UNKL: variants seen among roughly 807,000 people sequenced by gnomAD.
The protein encoded by UNKL is unk like zinc finger, also known as putative E3 ubiquitin-protein ligase UNKL.
UNKL carries 60 observed loss-of-function variants against 78.0 expected under a neutral mutation model. That is an observed-to-expected ratio of 0.77 (90% CI 0.63 to 0.95). The LOEUF (loss-of-function observed/expected upper bound fraction) is 0.95. Among genes scored for constraint, UNKL ranks in the 40% least tolerant of loss-of-function variants. The probability of loss-of-function intolerance (pLI) is 0.00; values close to 1 mark genes in which losing one functional copy is unlikely to be tolerated. For missense variants in UNKL, 1,159 were observed against 1,045.7 expected (o/e 1.11, Z -1.49); for synonymous variants, 608 against 474.8 (o/e 1.28, Z -3.65).
chr16:1,401,279 G>A lies in UNKL; in HGVS notation c.598+289C>T, dbSNP rs571264837. ...GGGACAGGACGCCTCACGAGTTCCG[G>A]TGGGAGTTGTGCTACCTCCTCGGCC... On this transcript the variant is annotated intron_variant, in intron 4 of 14. Coordinates refer to ENST00000389221, the MANE Select transcript of UNKL (RefSeq NM_001372107.1). 1.2e-5 allele frequency: 4 copies of A among 327,006 alleles called. No individual in the cohort carries two copies. The South Asian group carries it at 5.2e-4, about 42-fold the overall frequency. 20.3% of individuals were successfully genotyped at this position (327,006 alleles called of 1,614,324 possible).
chr16:1,372,294 A>T (rs1431906811), intron 10 of UNKL, among the ~76,000 whole-genome samples: 1 of 151,916 alleles, frequency 6.6e-6, no homozygotes, highest in Non-Finnish European at 1.5e-5. Flanking sequence ...CAAAAAAAAA[A>T]CTTTCTGTGA....
chr16:1,413,243 CAAAAAAAAAAAAAAAAAAAA>C (rs546295462), intron 2 of UNKL, among the ~76,000 whole-genome samples: 5 of 71,648 alleles, frequency 7.0e-5, no homozygotes, highest in Admixed American at 1.8e-4. Context: ...GACCCTGTCT[CAAAAAAAAAAAAAAAAAAAA>C]AAAAAAAAAA....
chr16:1,366,311 T>G lies in UNKL; in HGVS notation c.2131A>C (p.Ile711Leu), dbSNP rs767283389. ...GAVLRPCQHHILCEPCAATAP... is the reference protein window; with the variant it reads ...GAVLRPCQHHLLCEPCAATAP... ...GTGGCCGCACACGGCTCACAGAGGA[T>G]GTGGTGCTGACAGGGCCGCAGGACA... The change falls in exon 15 of 15, where the codon ATC (isoleucine) becomes CTC (leucine). Residue 711 changes from isoleucine to leucine, a missense_variant. By Grantham distance (5) the Ile-to-Leu change is conservative. Transcript: ENST00000389221. 6.2e-7 allele frequency: 1 copy of G among 1,602,790 alleles called. No homozygotes were observed. Among genetic ancestry groups the G allele is most frequent in the South Asian group, 1.1e-5 (1 of 89,320 alleles).
intron 10 of UNKL, among the ~76,000 whole-genome samples, chr16:1,372,201 T>C (rs965448754): frequency 6.6e-6 from 1 of 151,780 alleles, no homozygotes; most frequent in Non-Finnish European, 1.5e-5. Context: ...GAGGCGGAGC[T>C]TGCAGTGAGC....
chr16:1,376,706 A>C (rs1596680389), intron 10 of UNKL, among the ~76,000 whole-genome samples: 6 of 151,656 alleles, frequency 4.0e-5, no homozygotes, highest in African/African-American at 7.3e-5. Flanking sequence ...ACATTCCAAG[A>C]CCCCCCCATG....
chr16:1,401,735 C>T (rs745546370), intron 3 of UNKL, 34 bp from the exon 4 acceptor site: 2 of 1,583,126 alleles, frequency 1.3e-6, no homozygotes, highest in South Asian at 2.2e-5. Context: ...CACAGCTCTG[C>T]ATCTGGAGCC....
intron 14 of UNKL, 36 bp from the exon 15 acceptor site, chr16:1,366,431 C>A (rs1385742770): frequency 6.5e-7 from 1 of 1,535,804 alleles, no homozygotes; most frequent in South Asian, 1.2e-5. Context: ...TCAGGAGGCC[C>A]CTGCCCAGGC....
intron 11 of UNKL, among the ~76,000 whole-genome samples, chr16:1,370,743 A>G (rs1006736961): frequency 2.6e-5 from 4 of 152,240 alleles, no homozygotes; most frequent in Non-Finnish European, 4.4e-5. Context: ...GAAAGAAAAG[A>G]TACACTTTTA....
chr16:1,403,031 G>A lies in UNKL; in HGVS notation c.464+137C>T. 8.7e-7 allele frequency: 1 copy of A among 1,147,116 alleles called. No individual in the cohort carries two copies. Among genetic ancestry groups the A allele is most frequent in the Non-Finnish European group, 1.2e-6 (1 of 838,222 alleles). 71.1% of individuals were successfully genotyped at this position (1,147,116 alleles called of 1,614,324 possible). A position where few individuals can be genotyped will look rare whatever the true frequency, so the allele number is the denominator to read the frequency against. Reference sequence around the variant, plus strand: ...AAGGACTAACATCCAGACTCAGAAAGAAATTCTGGAGGAGAGAGATTTGGG... The same window carrying A: ...AAGGACTAACATCCAGACTCAGAAAAAAATTCTGGAGGAGAGAGATTTGGG... On this transcript the variant is annotated intron_variant, in intron 3 of 14. Coordinates refer to ENST00000389221, the MANE Select transcript of UNKL (RefSeq NM_001372107.1). The surrounding 1 kb of genome is among the most constrained non-coding windows in gnomAD (Gnocchi z 4.8).
At chr16:1,375,012 G>C (rs567093112) in intron 10 of UNKL, among the ~76,000 whole-genome samples, 1 of 152,204 alleles carries the variant, frequency 6.6e-6, no homozygotes, top group African/African-American at 2.4e-5. Flanking sequence ...CCAGGCCTCC[G>C]CTTCTCCTCC....
intron 2 of UNKL, 134 bp downstream of exon 2, chr16:1,413,712 C>G: frequency 9.9e-7 from 1 of 1,009,532 alleles, no homozygotes; most frequent in South Asian, 1.8e-5. Flanking sequence ...TAGAAAATTT[C>G]AGCGTATAAT....
chr16:1,374,774 G>A (rs76958437), intron 10 of UNKL, among the ~76,000 whole-genome samples: 2 of 152,160 alleles, frequency 1.3e-5, no homozygotes, highest in Admixed American at 6.5e-5. Context: ...CACACAGGGG[G>A]CATCCCAAAA....
chr16:1,367,217 C>G lies in UNKL; in HGVS notation c.1921G>C (p.Glu641Gln), dbSNP rs375260466. Residue 641 changes from glutamate (E) to glutamine (Q), a missense_variant, in exon 14 of 15, where the codon GAG (glutamate) becomes CAG (glutamine). Coordinates refer to ENST00000389221, the MANE Select transcript of UNKL (RefSeq NM_001372107.1). ...AQVKQLQEEL[E>Q]GLGVASTLPG... ...AGTGTGGAGGCTACGCCCAGGCCCT[C>G]CAGCTCCTCCTGCAGCTGCTTCACC... 4 of 1,603,612 alleles carry G rather than the reference C, an allele frequency of 2.5e-6. No homozygotes were observed.
At chr16:1,414,302 C>T (rs1193169515) in intron 1 of UNKL, among the ~76,000 whole-genome samples, 1 of 152,244 alleles carries the variant, frequency 6.6e-6, no homozygotes. Context: ...CTGGGCGACC[C>T]GCTGTGACCT....
chr16:1,398,681 A>AGGCCCCCCCCC, intron 5 of UNKL: 3 of 694,014 alleles, frequency 4.3e-6, no homozygotes, highest in Non-Finnish European at 5.8e-6. Flanking sequence ...TGGGGTCTGC[A>AGGCCCCCCCCC]CCCCCCCACC....
chr16:1,409,031 C>T (rs988792498), intron 2 of UNKL: 1 of 152,090 alleles, frequency 6.6e-6, no homozygotes, highest in African/African-American at 2.4e-5. Flanking sequence ...ATTCTCCTGC[C>T]TCAGCCTCCC....
chr16:1,398,859 G>C (rs771202098), intron 5 of UNKL: 2 of 1,574,296 alleles, frequency 1.3e-6, no homozygotes, highest in Admixed American at 3.7e-5. Flanking sequence ...GTGGAGGAAG[G>C]TCCTGTGTGC....
chr16:1,372,167 G>C (rs2035907068), intron 10 of UNKL, among the ~76,000 whole-genome samples: 1 of 152,132 alleles, frequency 6.6e-6, no homozygotes, highest in African/African-American at 2.4e-5. Flanking sequence ...GGGAGGCTGA[G>C]GCGGAAGAAT....
In UNKL at chr16:1,363,528, TACAG is replaced by T. The variant is rs2034999005; in HGVS notation, c.*2708_*2711del. ...CACGGCGAATGTCGAACACTAGAGT[TACAG>T]ACGACAGGCAACAAGAACATGCAGA... On this transcript the variant is annotated 3_prime_UTR_variant, in exon 15 of 15. Coordinates refer to ENST00000389221, the MANE Select transcript of UNKL (RefSeq NM_001372107.1). The T allele has an allele frequency of 4.0e-6, 1 of 251,540 alleles. No homozygotes were observed. The highest frequency in any genetic ancestry group is 2.3e-5 in the African/African-American group (1 of 43,820). The allele number at this position is 251,540 out of a possible 1,614,324, so 15.6% of individuals were successfully genotyped here. A position where few individuals can be genotyped will look rare whatever the true frequency, so the allele number is the denominator to read the frequency against.
Sources: gnomAD v4.1 joint callset for allele counts (sites outside exome capture counted in the v4.1 genomes callset) on GRCh38, gnomAD v4.1.1 for gene constraint, Gnocchi (gnomAD v3.1) non-coding constraint, MANE v1.5 for transcripts, NCBI Gene and HGNC (gene_info 2026-07-23, HGNC 2026-07-21) for gene names.